The following CNTNAP2 variants were observed in gnomAD, a reference collection of about 807,000 sequenced individuals.
CNTNAP2 encodes contactin-associated protein-like 2.
In CNTNAP2, 98 loss-of-function variants were observed where a neutral mutation model predicts 155.2. The observed-to-expected ratio is 0.63, with a 90% CI of 0.54 to 0.75. CNTNAP2 has a LOEUF of 0.75. Among genes scored for constraint, CNTNAP2 ranks in the 30% least tolerant of loss-of-function variants. The pLI, the probability that CNTNAP2 is intolerant of heterozygous loss-of-function variation, is 0.00. For synonymous variants in CNTNAP2, 651 were observed against 631.2 expected, an observed-to-expected ratio of 1.03 and a Z score of -0.47; for missense variants, 1,727 against 1,688.1, an observed-to-expected ratio of 1.02 and a Z score of -0.40.
At chr7:147,476,292 A>C (rs1393232669) in intron 10 of CNTNAP2, among the ~76,000 whole-genome samples, 3 of 151,796 alleles carry the variant, frequency 2.0e-5, no homozygotes, top group Non-Finnish European at 2.9e-5. Flanking sequence ...TTTTTAGTAG[A>C]GATGGGGTTT....
chr7:147,505,902 T>C (rs891836915), intron 11 of CNTNAP2, among the ~76,000 whole-genome samples: 8 of 152,056 alleles, frequency 5.3e-5, no homozygotes, highest in African/African-American at 1.9e-4. Context: ...TCAAATGGGT[T>C]TGGATCAGAT....
intron 10 of CNTNAP2, among the ~76,000 whole-genome samples, chr7:147,448,434 A>G (rs1797777734): frequency 1.3e-5 from 2 of 151,500 alleles, no homozygotes; most frequent in Non-Finnish European, 2.9e-5. Flanking sequence ...TGGGTGCTAC[A>G]TAAACATTAA....
chr7:146,294,853 G>T (rs1486785461), intron 1 of CNTNAP2, among the ~76,000 whole-genome samples: 1 of 152,006 alleles, frequency 6.6e-6, no homozygotes, highest in Non-Finnish European at 1.5e-5. Context: ...TATGATTTTG[G>T]AACTCTAAGT....
chr7:146,357,968 C>G (rs976049756), intron 1 of CNTNAP2, among the ~76,000 whole-genome samples: 40 of 151,444 alleles, frequency 2.6e-4, no homozygotes, highest in African/African-American at 9.0e-4. Flanking sequence ...GTTCTGCAAA[C>G]TCAAACACCA....
At chr7:147,925,125 A>G (rs542052222) in intron 14 of CNTNAP2, among the ~76,000 whole-genome samples, 2 of 79,398 alleles carry the variant, frequency 2.5e-5, no homozygotes, top group African/African-American at 1.2e-4. Context: ...TCAGAAAGAG[A>G]GAAAGAGAGA....
intron 15 of CNTNAP2, among the ~76,000 whole-genome samples, chr7:148,028,374 A>G (rs1348358588): frequency 6.6e-6 from 1 of 152,128 alleles, no homozygotes; most frequent in Non-Finnish European, 1.5e-5. Context: ...CATTTGGATG[A>G]CTTGGCTGAT....
At chr7:147,532,407 T>C (rs1799456950) in intron 11 of CNTNAP2, among the ~76,000 whole-genome samples, 2 of 152,198 alleles carry the variant, frequency 1.3e-5, no homozygotes, top group Admixed American at 1.3e-4. Flanking sequence ...TGGATTTTAT[T>C]GTTCATGTCA....
intron 21 of CNTNAP2, among the ~76,000 whole-genome samples, chr7:148,326,605 G>A (rs556700051): frequency 6.6e-6 from 1 of 151,992 alleles, no homozygotes; most frequent in East Asian, 1.9e-4. Context: ...GGTGGCTCAC[G>A]CCTGTAATCC....
chr7:146,454,404 G>T (rs1165758742), intron 1 of CNTNAP2, among the ~76,000 whole-genome samples: 2 of 152,032 alleles, frequency 1.3e-5, no homozygotes, highest in African/African-American at 4.8e-5. Context: ...TTTGCAAAAG[G>T]AACACTTGTT....
At position 148,104,332 on chromosome 7, in the gene CNTNAP2, C is replaced by T. The variant is rs183513443; in HGVS notation, c.2384-13786C>T. Reference sequence around the variant, plus strand: ...TCAACCCATTACCCTGGGTATAGAGCAGTTTCCCAGTTTCACATCCGTCAT... The same window carrying T: ...TCAACCCATTACCCTGGGTATAGAGTAGTTTCCCAGTTTCACATCCGTCAT... On this transcript the variant is annotated intron_variant, in intron 15 of 23. Transcript: ENST00000361727. Among the ~76,000 whole-genome samples, 328 of 152,298 alleles carry T rather than the reference C, an allele frequency of 2.2e-3. 1 individual carries two copies. The highest frequency in any genetic ancestry group is 7.7e-3 in the African/African-American group (318 of 41,562).
chr7:146,916,929 T>C (rs1796406478), intron 3 of CNTNAP2, among the ~76,000 whole-genome samples: 1 of 152,188 alleles, frequency 6.6e-6, no homozygotes, highest in Non-Finnish European at 1.5e-5. Context: ...ATTTGTGTCT[T>C]TCAGACTTTC....
chr7:148,131,570 C>T (rs1804832583), intron 16 of CNTNAP2, among the ~76,000 whole-genome samples: 1 of 152,184 alleles, frequency 6.6e-6, no homozygotes, highest in Non-Finnish European at 1.5e-5. Flanking sequence ...TTCACACATT[C>T]TGAGACAGAC....
intron 13 of CNTNAP2, among the ~76,000 whole-genome samples, chr7:147,678,935 A>G (rs999998636): frequency 4.6e-5 from 7 of 151,928 alleles, no homozygotes; most frequent in Non-Finnish European, 1.0e-4. Context: ...TCAGAAAACC[A>G]TAGGGCCACA....
chr7:148,221,221 C>G (rs926306481), intron 19 of CNTNAP2, among the ~76,000 whole-genome samples: 1 of 152,206 alleles, frequency 6.6e-6, no homozygotes. Flanking sequence ...TCACTTTGTG[C>G]CCAAAGCCAT....
At chr7:147,568,702 C>G (rs1479304374) in intron 12 of CNTNAP2, among the ~76,000 whole-genome samples, 1 of 152,054 alleles carries the variant, frequency 6.6e-6, no homozygotes, top group Non-Finnish European at 1.5e-5. Flanking sequence ...TTGTATATTT[C>G]TAACATTTCA....
At chr7:147,125,779 T>C (rs557095845) in intron 6 of CNTNAP2, among the ~76,000 whole-genome samples, 24 of 152,286 alleles carry the variant, frequency 1.6e-4, no homozygotes, top group Admixed American at 8.5e-4. Flanking sequence ...TCGCATTCTT[T>C]CCATAGGGTT....
intron 1 of CNTNAP2, among the ~76,000 whole-genome samples, chr7:146,480,915 C>T (rs1796951244): frequency 6.6e-6 from 1 of 151,818 alleles, no homozygotes; most frequent in African/African-American, 2.4e-5. Context: ...ATCCTGACCT[C>T]GTGATCCGCC....
At chr7:146,522,914 T>C (rs1331615303) in intron 1 of CNTNAP2, among the ~76,000 whole-genome samples, 1 of 151,926 alleles carries the variant, frequency 6.6e-6, no homozygotes, top group Non-Finnish European at 1.5e-5. Flanking sequence ...TGGAATCATC[T>C]TTCCTCATTC....
chr7:148,015,218 A>ATTT (rs1563167739), intron 15 of CNTNAP2, among the ~76,000 whole-genome samples: 2 of 151,620 alleles, frequency 1.3e-5, no homozygotes, highest in Non-Finnish European at 1.5e-5. Flanking sequence ...TATTTTTTTA[A>ATTT]AAAAGATGCA....
Sources: allele counts gnomAD v4.1 joint callset (sites outside exome capture counted in the v4.1 genomes callset), GRCh38; gene constraint gnomAD v4.1.1; transcripts MANE v1.5; gene names NCBI Gene and HGNC (gene_info 2026-07-23, HGNC 2026-07-21).